The following SPATA17 variants were observed in gnomAD, a reference collection of about 807,000 sequenced individuals.
SPATA17 encodes spermatogenesis associated 17.
A neutral mutation model predicts 62.2 loss-of-function variants in SPATA17; 53 were observed. That is an observed-to-expected ratio of 0.85 (90% CI 0.68 to 1.07). The LOEUF (loss-of-function observed/expected upper bound fraction) is 1.07, where lower values mean the gene tolerates loss of function less well. SPATA17 is among the 50% of genes least tolerant of loss of function. SPATA17 has a pLI of 0.00. For missense variants in SPATA17, 466 were observed against 425.5 expected, an observed-to-expected ratio of 1.10 and a Z score of -0.84; for synonymous variants, 146 against 146.8, an observed-to-expected ratio of 0.99 and a Z score of 0.04.
At chr1:217,818,822 C>T (rs1298028831) in intron 9 of SPATA17, among the ~76,000 whole-genome samples, 1 of 146,810 alleles carries the variant, frequency 6.8e-6, no homozygotes, top group African/African-American at 2.5e-5. Context: ...TTGAATCTTT[C>T]TTTGCCTATC....
chr1:217,797,265 T>C (rs183235971), intron 8 of SPATA17, among the ~76,000 whole-genome samples: 20 of 151,064 alleles, frequency 1.3e-4, no homozygotes, highest in Non-Finnish European at 2.2e-4. Context: ...TTTTTTTTTT[T>C]TTGAGATGGA....
At chr1:217,861,791 T>C (rs1391712108) in intron 9 of SPATA17, among the ~76,000 whole-genome samples, 2 of 152,174 alleles carry the variant, frequency 1.3e-5, no homozygotes, top group African/African-American at 4.8e-5. Flanking sequence ...GCAGTGTCTG[T>C]CACAACCCAC....
intron 3 of SPATA17, among the ~76,000 whole-genome samples, chr1:217,666,181 G>A (rs567139992): frequency 3.9e-5 from 6 of 152,072 alleles, no homozygotes; most frequent in African/African-American, 1.4e-4. Flanking sequence ...TAAAGGAATA[G>A]GTAATTAATA....
intron 4 of SPATA17, among the ~76,000 whole-genome samples, chr1:217,678,168 G>GA (rs1670995948): frequency 6.7e-6 from 1 of 149,926 alleles, no homozygotes; most frequent in South Asian, 2.1e-4. Context: ...TATTATCAAG[G>GA]AATTTGTTTT....
At chr1:217,668,510 C>A (rs1305043190) in intron 3 of SPATA17, among the ~76,000 whole-genome samples, 1 of 152,140 alleles carries the variant, frequency 6.6e-6, no homozygotes, top group Non-Finnish European at 1.5e-5. Context: ...CAGGAGGCAG[C>A]TAAGTACATA....
rs541538412 is a variant in SPATA17, at chr1:217,678,614, C to A, written c.292-4644C>A. Among the ~76,000 whole-genome samples the A allele has an allele frequency of 1.8e-4, 28 of 152,228 alleles. No individual in the cohort carries two copies. In the South Asian group the frequency reaches 5.8e-3, roughly 32 times the overall value. On this transcript the variant is annotated intron_variant, in intron 4 of 10. Transcript: ENST00000366933. Reference sequence around the variant, plus strand: ...AAAGTAAACCCAATGGAGGGAAAATCTTTTCTATGGCAGATGGCTTTTAAT... The same window carrying A: ...AAAGTAAACCCAATGGAGGGAAAATATTTTCTATGGCAGATGGCTTTTAAT...
Position 217,801,860 on chromosome 1 carries a change from C to T in SPATA17, c.1005+10C>T, listed in dbSNP as rs1340767242. 1.3e-6 allele frequency: 2 copies of T among 1,591,448 alleles called. No individual in the cohort carries two copies. The highest frequency in any genetic ancestry group is 1.9e-5 in the Admixed American group (1 of 52,704). ...ATGGATCTGTGACAAGGTGAGTTAACAAAACATTTTAAAAAGTTATTCCTT... is the reference window on the plus strand; with the variant it reads ...ATGGATCTGTGACAAGGTGAGTTAATAAAACATTTTAAAAAGTTATTCCTT... On this transcript the variant is annotated intron_variant, in intron 9 of 10. Transcript: ENST00000366933.
intron 7 of SPATA17, chr1:217,781,187 G>A (rs527557164): frequency 6.6e-6 from 1 of 152,276 alleles, no homozygotes; most frequent in African/African-American, 2.4e-5. Context: ...TAAAGCATAA[G>A]TGAACATAAA....
chr1:217,770,998 T>TTTTTTTGCC, intron 6 of SPATA17, among the ~76,000 whole-genome samples: 2 of 131,682 alleles, frequency 1.5e-5, no homozygotes, highest in Non-Finnish European at 1.6e-5. Context: ...TTTTTTTTTT[T>TTTTTTTGCC]TTTTTTTTTT....
At chr1:217,662,249 T>C in intron 3 of SPATA17, among the ~76,000 whole-genome samples, 1 of 152,182 alleles carries the variant, frequency 6.6e-6, no homozygotes, top group South Asian at 2.1e-4. Flanking sequence ...ATAAAGGCTA[T>C]TGTAGTATAT....
At chr1:217,804,125 G>A (rs963211358) in intron 9 of SPATA17, among the ~76,000 whole-genome samples, 2 of 152,122 alleles carry the variant, frequency 1.3e-5, no homozygotes, top group Admixed American at 6.6e-5. Flanking sequence ...ACTAAAGATG[G>A]AAGCATCACA....
intron 5 of SPATA17, among the ~76,000 whole-genome samples, chr1:217,721,683 G>A (rs1282500216): frequency 6.6e-6 from 1 of 152,112 alleles, no homozygotes; most frequent in Non-Finnish European, 1.5e-5. Context: ...ATCCCTTAAA[G>A]GATATGTTTG....
chr1:217,647,865 G>T (rs1400704675), intron 1 of SPATA17, among the ~76,000 whole-genome samples: 1 of 152,018 alleles, frequency 6.6e-6, no homozygotes, highest in Non-Finnish European at 1.5e-5. Flanking sequence ...TGGGATTACA[G>T]GAGCCCGCCA....
At chr1:217,698,981 T>C (rs555394622) in intron 5 of SPATA17, among the ~76,000 whole-genome samples, 30 of 152,328 alleles carry the variant, frequency 2.0e-4, no homozygotes, top group Middle Eastern at 3.4e-3. Flanking sequence ...TTATGTCAAA[T>C]CTTTATGATT....
At chr1:217,660,068 T>C (rs574957002) in intron 3 of SPATA17, among the ~76,000 whole-genome samples, 2 of 152,336 alleles carry the variant, frequency 1.3e-5, no homozygotes, top group South Asian at 4.1e-4. Context: ...AAATATGCAG[T>C]GTCCTTATCA....
At chr1:217,683,661 C>G (rs150142714) in intron 5 of SPATA17, among the ~76,000 whole-genome samples, 11 of 152,160 alleles carry the variant, frequency 7.2e-5, no homozygotes, top group African/African-American at 2.2e-4. Flanking sequence ...AGGCTGGTCT[C>G]GAACTCCTGA....
intron 9 of SPATA17, among the ~76,000 whole-genome samples, chr1:217,833,288 C>T (rs74142823): frequency 3.0e-4 from 46 of 152,250 alleles, no homozygotes; most frequent in African/African-American, 9.4e-4. Flanking sequence ...AACACACACC[C>T]ACATTCAGGA....
intron 5 of SPATA17, among the ~76,000 whole-genome samples, chr1:217,696,092 C>G (rs1318869482): frequency 6.6e-6 from 1 of 152,236 alleles, no homozygotes; most frequent in Non-Finnish European, 1.5e-5. Context: ...CTCTGCTAGC[C>G]TTGCTGCCGC....
At chr1:217,654,539 AG>A (rs1348023458) in intron 3 of SPATA17, among the ~76,000 whole-genome samples, 1 of 152,174 alleles carries the variant, frequency 6.6e-6, no homozygotes, top group Non-Finnish European at 1.5e-5. Flanking sequence ...AATAGTACAA[AG>A]AACTTCCATA....
Sources: allele counts gnomAD v4.1 joint callset (sites outside exome capture counted in the v4.1 genomes callset), GRCh38; gene constraint gnomAD v4.1.1; transcripts MANE v1.5; gene names NCBI Gene and HGNC (gene_info 2026-07-23, HGNC 2026-07-21).